The following EPPK1 variants were observed in gnomAD, a reference collection of about 807,000 sequenced individuals.
EPPK1 encodes epiplakin.
For missense variants in EPPK1, 3,823 were observed against 3,673.3 expected (o/e 1.04, Z -1.05); for synonymous variants, 1,862 against 1,721.2 (o/e 1.08, Z -2.03).
At position 143,867,458 on chromosome 8, in the gene EPPK1, C is replaced by G. The variant is rs1402021011; in HGVS notation, c.5796G>C (p.Glu1932Asp). 1 of 1,612,588 alleles carries G rather than the reference C, an allele frequency of 6.2e-7. No individual in the cohort carries two copies. The change falls in exon 2 of 2, where the codon GAG (glutamate) becomes GAC (aspartate). Residue 1932 changes from glutamate to aspartate, a missense_variant. Physicochemically the swap from Glu to Asp is conservative, Grantham distance 45. Coordinates refer to ENST00000615648, the MANE Select transcript of EPPK1 (RefSeq NM_031308.4). ...GGAGGAACCCGGTGGCGGCCTGCGC[C>G]TCCAGCAGCCAAGTCGCAAATGCTG... Reference protein sequence around the residue: ...IPAAFATWLLEAQAATGFLLD... With the variant: ...IPAAFATWLLDAQAATGFLLD...
chr8:143,868,723 C>G lies in EPPK1; in HGVS notation c.4531G>C (p.Ala1511Pro). Residue 1511 changes from alanine (A) to proline (P), a missense_variant, in exon 2 of 2, where the codon GCT becomes CCT. By Grantham distance (27) the Ala-to-Pro change is conservative. Coordinates refer to ENST00000615648, the MANE Select transcript of EPPK1 (RefSeq NM_031308.4). ...VVSAVTTLVE[A>P]AERQPLQATF... is the part of the protein sequence containing the mutation. ...GCCTGCAGGGGCTGCCTCTCTGCAG[C>G]CTCGACCAGGGTGGTGACTGCGCTG... 1 of 1,579,752 alleles carries G rather than the reference C, an allele frequency of 6.3e-7. No homozygotes were observed. Among genetic ancestry groups the G allele is most frequent in the Non-Finnish European group, 8.6e-7 (1 of 1,166,764 alleles).
chr8:143,866,864 G>A lies in EPPK1; in HGVS notation c.6390C>T (p.Tyr2130=), dbSNP rs782099419. The A allele has an allele frequency of 2.5e-5, 41 of 1,613,148 alleles. No individual in the cohort carries two copies. Among genetic ancestry groups the A allele is most frequent in the South Asian group, 1.1e-4 (10 of 91,088 alleles). Reference sequence around the variant, plus strand: ...GCTGGAGCTTCTTCTCCTCTGTCACGTATTCGGAATTCAGTAGTGCCCACA... The same window carrying A: ...GCTGGAGCTTCTTCTCCTCTGTCACATATTCGGAATTCAGTAGTGCCCACA... ...PTLWALLNSE[Y]VTEEKKLQLV... is the part of the protein sequence containing the mutation. Residue 2130 remains tyrosine (Y), a synonymous_variant, in exon 2 of 2, where the codon TAC becomes TAT. Transcript: ENST00000615648.
At position 143,870,810 on chromosome 8, in the gene EPPK1, T is replaced by G; in HGVS notation, c.2444A>C (p.Gln815Pro). ...ATACTTCACGGAGAGCAGCAGGTTCTGGAAGGCCTGCTGGGTGGCACTGTC... is the reference window on the plus strand; with the variant it reads ...ATACTTCACGGAGAGCAGCAGGTTCGGGAAGGCCTGCTGGGTGGCACTGTC... The part of the protein sequence containing the change: ...LVDSATQQAF[Q>P]NLLLSVKYGR... Residue 815 changes from glutamine to proline, a missense_variant, in exon 2 of 2, where the codon CAG (glutamine) becomes CCG (proline). Gln to Pro is a moderately conservative substitution (Grantham distance 76). Transcript: ENST00000615648. This position sits in a 1 kb window ranked among gnomAD's most constrained non-coding sequence, Gnocchi z 5.2. 6.2e-7 allele frequency: 1 copy of G among 1,612,770 alleles called. No individual in the cohort carries two copies. The highest frequency in any genetic ancestry group is 8.5e-7 in the Non-Finnish European group (1 of 1,179,850).
chr8:143,874,433 C>G (rs1178619577), intron 1 of EPPK1, among the ~76,000 whole-genome samples: 1 of 152,222 alleles, frequency 6.6e-6, no homozygotes, highest in African/African-American at 2.4e-5. Context: ...GGCTGTTATC[C>G]AACATAACTA....
In EPPK1 at chr8:143,870,439, G is replaced by T; in HGVS notation, c.2815C>A (p.Pro939Thr). ...TAGAGGCTGAGCCGCTGGCCAGAGG[G>T]CAGCAGCCGCACACCGCCCACAGCT... ...LGAVGGVRLL[P>T]SGQRLSLYQA... The change falls in exon 2 of 2, where the codon CCC becomes ACC. Residue 939 changes from proline (P) to threonine (T), a missense_variant. Transcript: ENST00000615648. This position sits in a 1 kb window ranked among gnomAD's most constrained non-coding sequence, Gnocchi z 5.2. 6.3e-7 allele frequency: 1 copy of T among 1,597,798 alleles called. No homozygotes were observed.
rs782283498 is a variant in EPPK1 at position 143,872,168 on chromosome 8, G to A, written c.1086C>T (p.Ala362=). ...LHEQLLVAEQ[A]VTGHHDPFSG... is the part of the protein sequence containing the mutation. Reference sequence around the variant, plus strand: ...TGAAGGGGTCGTGGTGCCCTGTCACGGCCTGCTCGGCCACCAGGAGCTGCT... The same window carrying A: ...TGAAGGGGTCGTGGTGCCCTGTCACAGCCTGCTCGGCCACCAGGAGCTGCT... The change falls in exon 2 of 2, where the codon GCC becomes GCT. Residue 362 remains alanine, a synonymous_variant. Transcript: ENST00000615648. 7.6e-6 allele frequency: 12 copies of A among 1,588,348 alleles called. No homozygotes were observed. The highest frequency in any genetic ancestry group is 2.2e-5 in the East Asian group (1 of 44,514).
Position 143,871,697 on chromosome 8 carries a change from G to C in EPPK1, c.1557C>G (p.Ile519Met), listed in dbSNP as rs1356890415. 1 of 1,606,654 alleles carries C rather than the reference G, an allele frequency of 6.2e-7. No individual in the cohort carries two copies. The highest frequency in any genetic ancestry group is 1.3e-5 in the African/African-American group (1 of 74,984). Residue 519 changes from isoleucine to methionine, a missense_variant, in exon 2 of 2, where the codon ATC (isoleucine) becomes ATG (methionine). Physicochemically the swap from Ile to Met is conservative, Grantham distance 10. Coordinates refer to ENST00000615648, the MANE Select transcript of EPPK1 (RefSeq NM_031308.4). Reference protein sequence around the residue: ...SLWELLFSEAISSEQRAMLAQ... With the variant: ...SLWELLFSEAMSSEQRAMLAQ... Reference sequence around the variant, plus strand: ...CCAGCATCGCCCTCTGCTCTGAGGAGATGGCCTCAGAGAAGAGCAGCTCCC... The same window carrying C: ...CCAGCATCGCCCTCTGCTCTGAGGACATGGCCTCAGAGAAGAGCAGCTCCC...
In EPPK1 at chr8:143,869,598, A is replaced by C. The variant is rs781823803; in HGVS notation, c.3656T>G (p.Leu1219Arg). 6.4e-7 allele frequency: 1 copy of C among 1,567,578 alleles called. No homozygotes were observed. The highest frequency in any genetic ancestry group is 1.4e-5 in the African/African-American group (1 of 73,776). The change falls in exon 2 of 2, where the codon CTT becomes CGT. Residue 1219 changes from leucine to arginine, a missense_variant. Transcript: ENST00000615648. ...LDAGIITQET[L>R]EALAQGTQSP... ...CTGCGTGCCCTGAGCCAGGGCCTCA[A>C]GGGTCTCCTGGGTGATGATGCCAGC...
chr8:143,857,919 A>C lies in EPPK1; in HGVS notation c.*68T>G, dbSNP rs1005051611. ...GACAAAAAAAAAAAAAAAAAAAAAA[A>C]CAACCCAGACACACAAGTATGCCTC... On this transcript the variant is annotated 3_prime_UTR_variant, in exon 2 of 2. Coordinates refer to ENST00000615648, the MANE Select transcript of EPPK1 (RefSeq NM_031308.4). 33 of 731,914 alleles carry C rather than the reference A, an allele frequency of 4.5e-5. No homozygotes were observed. Among genetic ancestry groups the C allele is most frequent in the Admixed American group, 7.6e-5 (2 of 26,454 alleles). The allele number at this position is 731,914 out of a possible 1,614,324, so 45.3% of individuals were successfully genotyped here.
At position 143,869,426 on chromosome 8, in the gene EPPK1, G is replaced by A; in HGVS notation, c.3828C>T (p.Gly1276=). 2 of 1,596,888 alleles carry A rather than the reference G, an allele frequency of 1.3e-6. No individual in the cohort carries two copies. The highest frequency in any genetic ancestry group is 1.7e-6 in the Non-Finnish European group (2 of 1,174,290). The change falls in exon 2 of 2, where the codon GGC becomes GGT. Residue 1276 remains glycine (G), a synonymous_variant. Transcript: ENST00000615648. ...VRDGLLPTGL[G]QRLLEAQVAS... is the part of the protein sequence containing the mutation. ...CCACCTGGGCTTCCAGCAGCCTCTG[G>A]CCCAGGCCTGTGGGCAGGAGGCCAT...
Position 143,878,422 on chromosome 8 carries a change from G to GCACCCGC in EPPK1, c.-46+15_-46+16insGCGGGTG, listed in dbSNP as rs1819530865. 3.1e-5 allele frequency: 3 copies of GCACCCGC among 95,334 alleles called. No homozygotes were observed. Among genetic ancestry groups the GCACCCGC allele is most frequent in the African/African-American group, 1.5e-4 (3 of 19,752 alleles). The allele number at this position is 95,334 out of a possible 1,614,324, so 5.9% of individuals were successfully genotyped here. On this transcript the variant is annotated intron_variant, in intron 1 of 1. Transcript: ENST00000615648. ...CGCACCCGCCGCACCCGCCGCACCCGCCGCACCCGCCGCACCTGCCCGCTC... is the reference window on the plus strand; with the variant it reads ...CGCACCCGCCGCACCCGCCGCACCCGCACCCGCCCGCACCCGCCGCACCTGCCCGCTC...
rs540799146 is a variant in EPPK1 at position 143,867,151 on chromosome 8, A to T, written c.6103T>A (p.Cys2035Ser). ...AGCGCATAGATGTCCTTGTGCAGAC[A>T]GCCCCGTCTGTAGGCTGTTTCCAGT... ...LPLETAYRRG[C>S]LHKDIYALIS... is the part of the protein sequence containing the mutation. The change falls in exon 2 of 2, where the codon TGT (cysteine) becomes AGT (serine). Residue 2035 changes from cysteine to serine, a missense_variant. Cys to Ser is a moderately radical substitution (Grantham distance 112, BLOSUM62 -1). Coordinates refer to ENST00000615648, the MANE Select transcript of EPPK1 (RefSeq NM_031308.4). 261 of 1,612,768 alleles carry T rather than the reference A, an allele frequency of 1.6e-4. 6 individuals carry two copies. The South Asian group carries it at 2.8e-3, about 18-fold the overall frequency.
chr8:143,869,435 T>C lies in EPPK1; in HGVS notation c.3819A>G (p.Thr1273=). ...AQAVRDGLLP[T]GLGQRLLEAQ... is the part of the protein sequence containing the mutation. The stretch of plus-strand genomic sequence containing the variant: ...CTTCCAGCAGCCTCTGGCCCAGGCC[T>C]GTGGGCAGGAGGCCATCCCTCACGG... Residue 1273 remains threonine (T), a synonymous_variant, in exon 2 of 2, where the codon ACA becomes ACG. Coordinates refer to ENST00000615648, the MANE Select transcript of EPPK1 (RefSeq NM_031308.4). The C allele has an allele frequency of 3.8e-6, 6 of 1,588,740 alleles. No individual in the cohort carries two copies. Among genetic ancestry groups the C allele is most frequent in the Non-Finnish European group, 5.1e-6 (6 of 1,170,970 alleles).
chr8:143,869,444 G>A lies in EPPK1; in HGVS notation c.3810C>T (p.Leu1270=). ...GCCTCTGGCCCAGGCCTGTGGGCAG[G>A]AGGCCATCCCTCACGGCCTGGGCGA... is the stretch of plus-strand genomic sequence containing the variant. ...ASIAQAVRDG[L]LPTGLGQRLL... is the part of the protein sequence containing the mutation. The change falls in exon 2 of 2, where the codon CTC becomes CTT. Residue 1270 remains leucine, a synonymous_variant. Coordinates refer to ENST00000615648, the MANE Select transcript of EPPK1 (RefSeq NM_031308.4). The A allele has an allele frequency of 1.3e-6, 2 of 1,581,096 alleles. No individual in the cohort carries two copies. The highest frequency in any genetic ancestry group is 1.7e-6 in the Non-Finnish European group (2 of 1,167,836).
Position 143,866,936 on chromosome 8 carries a change from C to G in EPPK1, c.6318G>C (p.Glu2106Asp), listed in dbSNP as rs782003100. Reference protein sequence around the residue: ...DDETRRALEAEQVEITVGRFR... With the variant: ...DDETRRALEADQVEITVGRFR... ...ACCTTCCCACTGTGATTTCCACTTG[C>G]TCTGCCTCCAGGGCCCTTCTCGTCT... Residue 2106 changes from glutamate (E) to aspartate (D), a missense_variant, in exon 2 of 2, where the codon GAG becomes GAC. Transcript: ENST00000615648. 5 of 1,612,968 alleles carry G rather than the reference C, an allele frequency of 3.1e-6. No homozygotes were observed. Among genetic ancestry groups the G allele is most frequent in the East Asian group, 2.2e-5 (1 of 44,880 alleles).
chr8:143,868,302 C>T lies in EPPK1; in HGVS notation c.4952G>A (p.Gly1651Asp). Residue 1651 changes from glycine to aspartate, a missense_variant, in exon 2 of 2, where the codon GGC becomes GAC. Gly to Asp is a moderately conservative substitution (Grantham distance 94). Coordinates refer to ENST00000615648, the MANE Select transcript of EPPK1 (RefSeq NM_031308.4). ...CTGCCCGGTATAGGGGTCGGTGTAG[C>T]CGGTGACGGCGCGCTCGGCCGACAG... ...KLLSAERAVT[G>D]YTDPYTGQQI... 1 of 1,613,170 alleles carries T rather than the reference C, an allele frequency of 6.2e-7. No individual in the cohort carries two copies. The highest frequency in any genetic ancestry group is 8.5e-7 in the Non-Finnish European group (1 of 1,180,018).
In EPPK1 at chr8:143,871,901, C is replaced by T; in HGVS notation, c.1353G>A (p.Leu451=). 6.2e-7 allele frequency: 1 copy of T among 1,609,056 alleles called. No homozygotes were observed. Among genetic ancestry groups the T allele is most frequent in the Non-Finnish European group, 8.5e-7 (1 of 1,179,712 alleles). Residue 451 remains leucine (L), a synonymous_variant, in exon 2 of 2, where the codon CTG becomes CTA. Transcript: ENST00000615648. ...CTGGGTCGGTGACACAGAGGGCCAG[C>T]AGCTGTTCATAGCGCAGGCCGCCGT... The part of the protein sequence containing the change: ...GTHGGLRYEQ[L]LALCVTDPET...
Position 143,871,205 on chromosome 8 carries a change from C to G in EPPK1, c.2049G>C (p.Ser683=). ...TGTAGCCAGTGACAGCGCGCTCAGC[C>G]GACAGCAGCTTCGCGAACACATCAG... ...IGPDVFAKLL[S]AERAVTGYTD... The change falls in exon 2 of 2, where the codon TCG becomes TCC. Residue 683 remains serine, a synonymous_variant. Transcript: ENST00000615648. The G allele has an allele frequency of 6.2e-7, 1 of 1,613,234 alleles. No individual in the cohort carries two copies. Among genetic ancestry groups the G allele is most frequent in the Middle Eastern group, 1.6e-4 (1 of 6,062 alleles).
At position 143,857,724 on chromosome 8, in the gene EPPK1, G is replaced by C. The variant is rs1211493584; in HGVS notation, c.*263C>G. 1.7e-5 allele frequency: 7 copies of C among 409,724 alleles called. No individual in the cohort carries two copies. The Admixed American group carries it at 2.8e-4, about 16-fold the overall frequency. 25.4% of individuals were successfully genotyped at this position (409,724 alleles called of 1,614,324 possible). A position where few individuals can be genotyped will look rare whatever the true frequency, so the allele number is the denominator to read the frequency against. On this transcript the variant is annotated 3_prime_UTR_variant, in exon 2 of 2. Transcript: ENST00000615648. ...TCCAAAACAGACAGAAAAATGTTCT[G>C]AAAACGAAAAAGGAGAGAAAAGTAA...
Sources: gnomAD v4.1 joint callset for allele counts (sites outside exome capture counted in the v4.1 genomes callset) on GRCh38, gnomAD v4.1.1 for gene constraint, Gnocchi (gnomAD v3.1) non-coding constraint, MANE v1.5 for transcripts, NCBI Gene and HGNC (gene_info 2026-07-23, HGNC 2026-07-21) for gene names.